Variants in NMBR observed in about 807,000 individuals in gnomAD.
NMBR encodes neuromedin-B receptor.
NMBR carries 16 observed loss-of-function variants against 20.5 expected under a neutral mutation model. The ratio of observed to expected loss-of-function variants is 0.78; its 90% CI spans 0.53 to 1.19. NMBR has a LOEUF of 1.19. Ranked by LOEUF, NMBR falls within the 50% of genes most tolerant of loss-of-function variation. The pLI is 0.00. For synonymous variants in NMBR, 212 were observed against 196.6 expected (o/e 1.08, Z -0.65); for missense variants, 582 against 499.1 (o/e 1.17, Z -1.58).
intron 1 of NMBR, among the ~76,000 whole-genome samples, chr6:142,136,066 G>A (rs1201890908): frequency 6.6e-6 from 1 of 152,166 alleles, no homozygotes; most frequent in Non-Finnish European, 1.5e-5. Flanking sequence ...CTGAGGAATC[G>A]CCACACTGAC....
chr6:142,075,281 T>C lies in NMBR; in HGVS notation c.*367A>G, dbSNP rs1011508803. Among the ~76,000 whole-genome samples the C allele has an allele frequency of 1.3e-5, 2 of 152,132 alleles. No homozygotes were observed. The highest frequency in any genetic ancestry group is 2.9e-5 in the Non-Finnish European group (2 of 68,008). ...AAAACAAAACCTAAGACAAATATGC[T>C]AGAACTGGCTTTAGCAACAGCCTAA... On this transcript the variant is annotated 3_prime_UTR_variant, in exon 4 of 4. Coordinates refer to ENST00000258042, the MANE Select transcript of NMBR (RefSeq NM_002511.4).
At position 142,075,274 on chromosome 6, in the gene NMBR, A is replaced by T. The variant is rs546579304; in HGVS notation, c.*374T>A. Among the ~76,000 whole-genome samples the T allele has an allele frequency of 6.6e-6, 1 of 152,228 alleles. No individual in the cohort carries two copies. Among genetic ancestry groups the T allele is most frequent in the South Asian group, 2.1e-4 (1 of 4,826 alleles). ...TCAAGATAAAACAAAACCTAAGACA[A>T]ATATGCTAGAACTGGCTTTAGCAAC... On this transcript the variant is annotated 3_prime_UTR_variant, in exon 4 of 4. Transcript: ENST00000258042.
intron 2 of NMBR, 72 bp downstream of exon 2, chr6:142,088,165 T>G: frequency 1.3e-6 from 2 of 1,485,840 alleles, no homozygotes; most frequent in Non-Finnish European, 1.8e-6. Flanking sequence ...GTAGGTGCAC[T>G]CCGGGTGAGT....
Position 142,088,638 on chromosome 6 carries a change from G to A in NMBR, c.21C>T (p.Ser7=), listed in dbSNP as rs767350751. 2 of 1,603,784 alleles carry A rather than the reference G, an allele frequency of 1.2e-6. No individual in the cohort carries two copies. The highest frequency in any genetic ancestry group is 1.1e-5 in the South Asian group (1 of 90,992). MPSKSL[S]NLSVTTGANE... is the part of the protein sequence containing the mutation. ...TCGCGCCGGTGGTCACCGAGAGGTT[G>A]GAAAGAGACTTAGAGGGCATGATCT... Residue 7 remains serine (S), a synonymous_variant, in exon 2 of 4, where the codon TCC becomes TCT. Transcript: ENST00000258042.
chr6:142,134,807 A>G (rs1778220055), intron 1 of NMBR: 1 of 678,750 alleles, frequency 1.5e-6, no homozygotes, highest in South Asian at 1.6e-5. Flanking sequence ...GAACACTTTG[A>G]AAAAACCATT....
intron 1 of NMBR, among the ~76,000 whole-genome samples, chr6:142,125,508 C>CACAT (rs1778015801): frequency 6.6e-6 from 1 of 151,804 alleles, no homozygotes; most frequent in Admixed American, 6.6e-5. Flanking sequence ...TACACATATA[C>CACAT]ATACATACAC....
At chr6:142,081,446 C>A (rs1230170465) in intron 2 of NMBR, among the ~76,000 whole-genome samples, 2 of 152,104 alleles carry the variant, frequency 1.3e-5, no homozygotes, top group African/African-American at 4.8e-5. Context: ...AAATGTTGGC[C>A]TTTCCAGCAA....
intron 1 of NMBR, among the ~76,000 whole-genome samples, chr6:142,129,374 CACTT>C (rs1778100033): frequency 6.6e-6 from 1 of 151,972 alleles, no homozygotes; most frequent in Non-Finnish European, 1.5e-5. Context: ...AAATTTTGCC[CACTT>C]ACTCAGAAAA....
chr6:142,140,359 C>CT (rs1778345081), intron 1 of NMBR, among the ~76,000 whole-genome samples: 1 of 151,430 alleles, frequency 6.6e-6, no homozygotes, highest in South Asian at 2.1e-4. Flanking sequence ...GCTGTGATAA[C>CT]TTTAAGTTGT....
intron 1 of NMBR, among the ~76,000 whole-genome samples, chr6:142,138,301 C>T (rs187933047): frequency 6.6e-6 from 1 of 152,196 alleles, no homozygotes; most frequent in Admixed American, 6.6e-5. Flanking sequence ...TCATGAATTT[C>T]TGGATCTAAG....
chr6:142,118,863 C>T (rs977264611), intron 1 of NMBR, among the ~76,000 whole-genome samples: 1 of 151,982 alleles, frequency 6.6e-6, no homozygotes, highest in Non-Finnish European at 1.5e-5. Context: ...GTGTGTCTTA[C>T]ATTCATGCTC....
chr6:142,117,050 A>G (rs1732619709), intron 1 of NMBR, among the ~76,000 whole-genome samples: 1 of 152,000 alleles, frequency 6.6e-6, no homozygotes, highest in Non-Finnish European at 1.5e-5. Context: ...AATCCCAATA[A>G]CATAAATAAT....
intron 1 of NMBR, among the ~76,000 whole-genome samples, chr6:142,132,429 A>G (rs953105342): frequency 6.6e-6 from 1 of 152,134 alleles, no homozygotes; most frequent in African/African-American, 2.4e-5. Context: ...TGTTCTCATG[A>G]TATGTGCTAG....
chr6:142,114,348 G>A (rs1777816782), intron 1 of NMBR, among the ~76,000 whole-genome samples: 1 of 151,440 alleles, frequency 6.6e-6, no homozygotes, highest in Non-Finnish European at 1.5e-5. Flanking sequence ...TGACATTTTT[G>A]TGGTTGGTAA....
intron 1 of NMBR, chr6:142,134,450 A>C: frequency 2.2e-6 from 1 of 455,364 alleles, no homozygotes. Flanking sequence ...GACTCTGTTG[A>C]GAGTTAGTGG....
chr6:142,136,818 G>T lies in NMBR; in HGVS notation c.-664+10226C>A, dbSNP rs1465216704. The stretch of plus-strand genomic sequence containing the variant: ...ATCAGATAGTTGTAGATATGCGGCA[G>T]TATTTCTGAGGGCTCTGTTCTGTTC... On this transcript the variant is annotated intron_variant, in intron 1 of 3. Coordinates refer to ENST00000258042, the MANE Select transcript of NMBR (RefSeq NM_002511.4). Among the ~76,000 whole-genome samples, 9 of 152,132 alleles carry T rather than the reference G, an allele frequency of 5.9e-5. No homozygotes were observed. In the East Asian group the frequency reaches 1.2e-3, roughly 20 times the overall value.
chr6:142,127,671 T>C (rs1477928856), intron 1 of NMBR, among the ~76,000 whole-genome samples: 1 of 151,964 alleles, frequency 6.6e-6, no homozygotes, highest in East Asian at 1.9e-4. Flanking sequence ...ATCAGTGTTT[T>C]ATAATTTTCA....
In NMBR at chr6:142,088,460, T is replaced by C; in HGVS notation, c.199A>G (p.Ile67Val). ...GLLGNIMLVK[I>V]FITNSAMRSV... ...CTCATGGCGCTGTTGGTGATGAAGA[T>C]CTTCACCAGCATGATGTTGCCCAGC... is the stretch of plus-strand genomic sequence containing the variant. The change falls in exon 2 of 4, where the codon ATC (isoleucine) becomes GTC (valine). Residue 67 changes from isoleucine to valine, a missense_variant. Coordinates refer to ENST00000258042, the MANE Select transcript of NMBR (RefSeq NM_002511.4). 6.2e-7 allele frequency: 1 copy of C among 1,613,786 alleles called. No individual in the cohort carries two copies. The highest frequency in any genetic ancestry group is 8.5e-7 in the Non-Finnish European group (1 of 1,179,942).
At chr6:142,127,556 T>C (rs552811004) in intron 1 of NMBR, among the ~76,000 whole-genome samples, 3 of 152,158 alleles carry the variant, frequency 2.0e-5, no homozygotes, top group African/African-American at 7.2e-5. Flanking sequence ...AGGGATTGCA[T>C]TGAATCTGTA....
Sources: allele counts gnomAD v4.1 joint callset (sites outside exome capture counted in the v4.1 genomes callset), GRCh38; gene constraint gnomAD v4.1.1; transcripts MANE v1.5; gene names NCBI Gene and HGNC (gene_info 2026-07-23, HGNC 2026-07-21).